The following IL1RAPL2 variants were observed in gnomAD, a reference collection of about 807,000 sequenced individuals.
IL1RAPL2 encodes the protein X-linked interleukin-1 receptor accessory protein-like 2.
Under a neutral mutation model 44.1 loss-of-function variants are expected in IL1RAPL2, and 3 were observed. The ratio of observed to expected loss-of-function variants is 0.07; its 90% CI spans 0.03 to 0.18. IL1RAPL2 has a LOEUF of 0.18. Ranked by LOEUF, IL1RAPL2 falls within the 10% of genes least tolerant of loss-of-function variation. IL1RAPL2 has a pLI of 1.00. For synonymous variants in IL1RAPL2, 181 were observed against 178.8 expected, an observed-to-expected ratio of 1.01 and a Z score of -0.10; for missense variants, 391 against 496.4, an observed-to-expected ratio of 0.79 and a Z score of 2.02.
intron 1 of IL1RAPL2, among the ~76,000 whole-genome samples, chrX:104,571,352 T>G (rs1569486612): frequency 8.9e-6 from 1 of 112,084 alleles, no homozygotes; most frequent in Non-Finnish European, 1.9e-5. Flanking sequence ...AGTTGCCTGA[T>G]GCATTAAATA....
At chrX:105,291,429 A>C (rs1264572478) in intron 5 of IL1RAPL2, among the ~76,000 whole-genome samples, 9 of 112,028 alleles carry the variant, frequency 8.0e-5, no homozygotes. Flanking sequence ...AAATGATCAC[A>C]AAAGTCATCA....
Position 105,385,668 on chromosome X carries a change from T to C in IL1RAPL2, c.698-98645T>C, listed in dbSNP as rs922630957. Among the ~76,000 whole-genome samples the C allele has an allele frequency of 2.7e-5, 3 of 111,311 alleles. No homozygotes were observed. In the East Asian group the frequency reaches 8.5e-4, roughly 31 times the overall value. On this transcript the variant is annotated intron_variant, in intron 5 of 10. Coordinates refer to ENST00000372582, the MANE Select transcript of IL1RAPL2 (RefSeq NM_017416.2). ...CAGATTTGAATGACAAGGAAAGTGA[T>C]TATAGCAGTGACATTAAAAAAAATC...
chrX:104,859,393 T>C (rs1268768675), intron 2 of IL1RAPL2, among the ~76,000 whole-genome samples: 1 of 82,605 alleles, frequency 1.2e-5, no homozygotes, highest in Non-Finnish European at 2.3e-5. Context: ...CAAGGTACAG[T>C]GGGAAGAGCA....
At chrX:105,060,649 T>C (rs1488988591) in intron 2 of IL1RAPL2, among the ~76,000 whole-genome samples, 1 of 102,676 alleles carries the variant, frequency 9.7e-6, no homozygotes, top group African/African-American at 3.6e-5. Flanking sequence ...ACTGGCCTCA[T>C]AGAATGAGTT....
chrX:104,780,687 T>G (rs1328048147), intron 2 of IL1RAPL2, among the ~76,000 whole-genome samples: 1 of 111,979 alleles, frequency 8.9e-6, no homozygotes, highest in African/African-American at 3.2e-5. Flanking sequence ...TGACAACATG[T>G]TCCTATTTTT....
intron 2 of IL1RAPL2, among the ~76,000 whole-genome samples, chrX:104,838,832 TTTC>T (rs1921816126): frequency 1.8e-5 from 1 of 55,167 alleles, no homozygotes; most frequent in Non-Finnish European, 3.5e-5. Context: ...TCTTTCTTTC[TTTC>T]TTTCTTTCTT....
intron 1 of IL1RAPL2, among the ~76,000 whole-genome samples, chrX:104,633,568 G>T (rs956317431): frequency 9.0e-6 from 1 of 111,593 alleles, no homozygotes; most frequent in East Asian, 2.8e-4. Flanking sequence ...GTTTAGTCTT[G>T]GGAGGGTATA....
At chrX:105,414,930 G>A (rs912882077) in intron 5 of IL1RAPL2, among the ~76,000 whole-genome samples, 5 of 112,136 alleles carry the variant, frequency 4.5e-5, no homozygotes, top group African/African-American at 1.6e-4. Context: ...ATAAGATAAT[G>A]TTTATGTGAA....
chrX:105,202,601 A>G (rs781901210), intron 3 of IL1RAPL2, among the ~76,000 whole-genome samples: 2 of 111,931 alleles, frequency 1.8e-5, no homozygotes, highest in Non-Finnish European at 3.8e-5. Context: ...CTTACCTCCA[A>G]TAATCTATTG....
At chrX:104,695,501 A>C (rs1378911993) in intron 2 of IL1RAPL2, among the ~76,000 whole-genome samples, 1 of 111,206 alleles carries the variant, frequency 9.0e-6, no homozygotes. Context: ...GACTAAGGGA[A>C]GACTTTGAGA....
At chrX:105,034,498 C>G (rs964077024) in intron 2 of IL1RAPL2, among the ~76,000 whole-genome samples, 3 of 112,394 alleles carry the variant, frequency 2.7e-5, no homozygotes, top group African/African-American at 9.7e-5. Flanking sequence ...ACTCCAGACC[C>G]TGTTTGCCTG....
Position 105,247,601 on chromosome X carries a change from A to ATGTG in IL1RAPL2, c.543+13598_543+13599insGTGT, listed in dbSNP as rs1414407714. On this transcript the variant is annotated intron_variant, in intron 4 of 10. Coordinates refer to ENST00000372582, the MANE Select transcript of IL1RAPL2 (RefSeq NM_017416.2). ...AATAGAAGTGTGTGTGTATATATATATATGTGTGTGTGTGTGTGTGTGTGT... is the reference window on the plus strand; with the variant it reads ...AATAGAAGTGTGTGTGTATATATATATGTGTATGTGTGTGTGTGTGTGTGTGTGT... Among the ~76,000 whole-genome samples the ATGTG allele has an allele frequency of 1.2e-4, 11 of 93,591 alleles. 1 individual carries two copies. In the East Asian group the frequency reaches 3.3e-3, roughly 28 times the overall value. The allele number at this position is 93,591 out of a possible 115,157, so 81.3% of individuals were successfully genotyped here.
At chrX:104,947,170 T>G (rs1307161430) in intron 2 of IL1RAPL2, among the ~76,000 whole-genome samples, 2 of 112,369 alleles carry the variant, frequency 1.8e-5, no homozygotes, top group Non-Finnish European at 3.8e-5. Context: ...TGGCCAGTGA[T>G]GATGAGCATG....
chrX:105,167,130 C>G (rs1009603226), intron 2 of IL1RAPL2, among the ~76,000 whole-genome samples: 3 of 112,041 alleles, frequency 2.7e-5, no homozygotes, highest in Non-Finnish European at 5.6e-5. Flanking sequence ...CTTATCTGAA[C>G]CTACAATCAA....
At chrX:104,803,265 T>C (rs1172414821) in intron 2 of IL1RAPL2, among the ~76,000 whole-genome samples, 1 of 111,771 alleles carries the variant, frequency 8.9e-6, no homozygotes, top group Non-Finnish European at 1.9e-5. Context: ...CTGTGAACAA[T>C]GTATTAATTT....
chrX:105,574,484 A>G (rs1381341793), intron 6 of IL1RAPL2, among the ~76,000 whole-genome samples: 1 of 111,887 alleles, frequency 8.9e-6, no homozygotes, highest in Non-Finnish European at 1.9e-5. Flanking sequence ...GGCTAATCCA[A>G]AAAGAGCTGA....
At chrX:104,617,271 C>T (rs1193741371) in intron 1 of IL1RAPL2, among the ~76,000 whole-genome samples, 1 of 111,835 alleles carries the variant, frequency 8.9e-6, no homozygotes, top group African/African-American at 3.3e-5. Context: ...TGCAAGTGAC[C>T]TGTCTCTTCT....
At chrX:105,355,280 C>T (rs1285401720) in intron 5 of IL1RAPL2, among the ~76,000 whole-genome samples, 1 of 111,394 alleles carries the variant, frequency 9.0e-6, no homozygotes, top group African/African-American at 3.3e-5. Context: ...TTTTAATTTG[C>T]GTCCTTTGCT....
chrX:105,043,011 A>C (rs1159039408), intron 2 of IL1RAPL2, among the ~76,000 whole-genome samples: 2 of 96,740 alleles, frequency 2.1e-5, no homozygotes, highest in East Asian at 7.1e-4. Context: ...TCTCACTCAT[A>C]GGTGGGAATT....
Sources: allele counts gnomAD v4.1 joint callset (sites outside exome capture counted in the v4.1 genomes callset), GRCh38; gene constraint gnomAD v4.1.1; transcripts MANE v1.5; gene names NCBI Gene and HGNC (gene_info 2026-07-23, HGNC 2026-07-21).